NPAS3: variants seen among roughly 807,000 people sequenced by gnomAD.
The protein encoded by NPAS3 is neuronal PAS domain protein 3, also known as neuronal PAS domain-containing protein 3.
Under a neutral mutation model 73.1 loss-of-function variants are expected in NPAS3, and 14 were observed. That is an observed-to-expected ratio of 0.19 (90% CI 0.13 to 0.30). NPAS3 has a LOEUF of 0.30. Among genes scored for constraint, NPAS3 ranks in the 10% least tolerant of loss-of-function variants. The probability of loss-of-function intolerance (pLI) is 1.00; values close to 1 mark genes in which losing one functional copy is unlikely to be tolerated. For synonymous variants in NPAS3, 620 were observed against 541.5 expected, an observed-to-expected ratio of 1.14 and a Z score of -2.01; for missense variants, 1,096 against 1,250.0, an observed-to-expected ratio of 0.88 and a Z score of 1.86.
rs547314219 is a variant in NPAS3, at chr14:33,313,895, T to A, written c.386-53291T>A. Among the ~76,000 whole-genome samples, 623 of 152,198 alleles carry A rather than the reference T, an allele frequency of 4.1e-3. 2 individuals carry two copies. Among genetic ancestry groups the A allele is most frequent in the Non-Finnish European group, 6.0e-3 (410 of 67,954 alleles). ...TGCTAAGTGTTTTTTTAAGCTTTGT[T>A]TCTCTTTTACCTTTCAAATGTTATG... On this transcript the variant is annotated intron_variant, in intron 3 of 11. Coordinates refer to ENST00000356141, the Ensembl canonical transcript of NPAS3.
intron 2 of NPAS3, among the ~76,000 whole-genome samples, chr14:33,136,087 G>A (rs2043823457): frequency 7.4e-6 from 1 of 135,652 alleles, no homozygotes. Flanking sequence ...TTGAGACAGA[G>A]TCTCGCTCTG....
chr14:33,422,853 G>A (rs1440198), intron 4 of NPAS3, among the ~76,000 whole-genome samples: 23,806 of 151,812 alleles, frequency 0.16, 2,151 homozygotes, highest in Admixed American at 0.26. Context: ...GAGACATGCC[G>A]TCTCAGATGT....
intron 4 of NPAS3, among the ~76,000 whole-genome samples, chr14:33,391,385 G>T (rs1039918292): frequency 3.3e-5 from 5 of 151,906 alleles, no homozygotes; most frequent in Non-Finnish European, 7.4e-5. Flanking sequence ...TAGAGATGGG[G>T]TTTCTCTATG....
intron 5 of NPAS3, among the ~76,000 whole-genome samples, chr14:33,588,119 T>C (rs1037233132): frequency 2.6e-5 from 4 of 152,166 alleles, no homozygotes; most frequent in Admixed American, 6.5e-5. Flanking sequence ...TGCAAAAATA[T>C]AAGGCACGTT....
intron 4 of NPAS3, among the ~76,000 whole-genome samples, chr14:33,371,279 G>A (rs1469584885): frequency 6.6e-6 from 1 of 152,194 alleles, no homozygotes; most frequent in African/African-American, 2.4e-5. Flanking sequence ...TGCGGAGTAA[G>A]TGTAGAATAC....
At chr14:33,187,621 C>T (rs532634688) in intron 2 of NPAS3, among the ~76,000 whole-genome samples, 7 of 152,170 alleles carry the variant, frequency 4.6e-5, no homozygotes, top group East Asian at 1.9e-4. Context: ...TGTTGAAGCC[C>T]GGAGTTTGAG....
chr14:33,634,876 G>C (rs1293098871), intron 5 of NPAS3, among the ~76,000 whole-genome samples: 2 of 152,148 alleles, frequency 1.3e-5, no homozygotes, highest in East Asian at 3.8e-4. Flanking sequence ...GGTTCCCCAG[G>C]CCAGCAGCAT....
At chr14:33,307,593 A>ATGTGTGTGTGTGTGTGTGTGTG (rs10528551) in intron 3 of NPAS3, among the ~76,000 whole-genome samples, 4,560 of 138,928 alleles carry the variant, frequency 0.033, 85 homozygotes, top group Middle Eastern at 0.054. Context: ...TTTTTTTTCA[A>ATGTGTGTGTGTGTGTGTGTGTG]TGTGTGTGTG....
At position 33,431,141 on chromosome 14, in the gene NPAS3, G is replaced by A. The variant is rs535112676; in HGVS notation, c.468+63873G>A. Reference sequence around the variant, plus strand: ...TGGTGCTATTTTCTGAGATGATACCGTGTTGGTTGATTACTTTTCCATGTT... The same window carrying A: ...TGGTGCTATTTTCTGAGATGATACCATGTTGGTTGATTACTTTTCCATGTT... On this transcript the variant is annotated intron_variant, in intron 4 of 11. Transcript: ENST00000356141. Among the ~76,000 whole-genome samples the A allele has an allele frequency of 6.0e-4, 91 of 152,250 alleles. 1 individual carries two copies. The South Asian group carries it at 6.8e-3, about 11-fold the overall frequency.
In NPAS3 at chr14:33,787,074, TA is replaced by T. The variant is rs917496824; in HGVS notation, c.1154-6815del. 5.3e-5 allele frequency among the ~76,000 whole-genome samples: 8 copies of T among 151,874 alleles called. 1 individual carries two copies. The highest frequency in any genetic ancestry group is 2.0e-4 in the Admixed American group (3 of 15,246). On this transcript the variant is annotated intron_variant, in intron 9 of 11. Coordinates refer to ENST00000356141, the Ensembl canonical transcript of NPAS3. Reference sequence around the variant, plus strand: ...CCCCCAAAAGAGAAGGTATAGGTCCTAAAAAAAATACTCTATCCTTAACTAT... The same window carrying T: ...CCCCCAAAAGAGAAGGTATAGGTCCTAAAAAAATACTCTATCCTTAACTAT...
intron 4 of NPAS3, among the ~76,000 whole-genome samples, chr14:33,449,630 T>C (rs1594930507): frequency 2.7e-5 from 4 of 150,532 alleles, no homozygotes; most frequent in South Asian, 2.1e-4. Context: ...TGCACACACA[T>C]GCACACACAC....
intron 3 of NPAS3, among the ~76,000 whole-genome samples, chr14:33,312,439 C>T (rs1481261903): frequency 6.6e-6 from 1 of 151,778 alleles, no homozygotes; most frequent in Admixed American, 6.6e-5. Flanking sequence ...GCTAGATAAT[C>T]ACACCTGTAG....
intron 5 of NPAS3, among the ~76,000 whole-genome samples, chr14:33,570,517 A>G (rs559097343): frequency 1.9e-3 from 289 of 152,324 alleles, no homozygotes; most frequent in South Asian, 6.6e-3. Context: ...TAATAAAAAA[A>G]CCCATAATTT....
At chr14:33,185,919 A>G (rs2045958874) in intron 2 of NPAS3, among the ~76,000 whole-genome samples, 1 of 152,182 alleles carries the variant, frequency 6.6e-6, no homozygotes, top group Admixed American at 6.5e-5. Context: ...AATTCTAGAG[A>G]CCTGAAGTGA....
intron 1 of NPAS3, among the ~76,000 whole-genome samples, chr14:33,022,127 A>G (rs1014907982): frequency 3.3e-5 from 5 of 152,206 alleles, no homozygotes; most frequent in Non-Finnish European, 7.4e-5. Flanking sequence ...ACCATGTCAG[A>G]GGAATCGTGA....
chr14:33,247,250 T>TA (rs2048425535), intron 3 of NPAS3, among the ~76,000 whole-genome samples: 1 of 152,338 alleles, frequency 6.6e-6, no homozygotes, highest in African/African-American at 2.4e-5. Context: ...TTAATTTTTT[T>TA]AGCATTGTAA....
At chr14:33,589,665 C>T (rs2056993774) in intron 5 of NPAS3, among the ~76,000 whole-genome samples, 1 of 151,952 alleles carries the variant, frequency 6.6e-6, no homozygotes, top group South Asian at 2.1e-4. Flanking sequence ...TTGTTGTTTT[C>T]CTTAATCATA....
chr14:33,584,225 C>G (rs915007602), intron 5 of NPAS3, among the ~76,000 whole-genome samples: 1 of 152,004 alleles, frequency 6.6e-6, no homozygotes, highest in African/African-American at 2.4e-5. Flanking sequence ...GATGTTTGTT[C>G]GTTTTGATAT....
chr14:33,499,475 A>G (rs1325974262), intron 4 of NPAS3, among the ~76,000 whole-genome samples: 2 of 151,882 alleles, frequency 1.3e-5, no homozygotes, highest in African/African-American at 4.8e-5. Context: ...TTGGCAAAAG[A>G]AAGTATAAGT....
Sources: allele counts gnomAD v4.1 joint callset (sites outside exome capture counted in the v4.1 genomes callset), GRCh38; gene constraint gnomAD v4.1.1; transcripts MANE v1.5; gene names NCBI Gene and HGNC (gene_info 2026-07-23, HGNC 2026-07-21).